Variants in CLYBL observed in about 807,000 individuals in gnomAD.
The protein encoded by CLYBL is citramalyl-CoA lyase, mitochondrial.
Under a neutral mutation model 38.9 loss-of-function variants are expected in CLYBL, and 31 were observed. The observed-to-expected ratio is 0.80, with a 90% CI of 0.60 to 1.08. The LOEUF is 1.08. CLYBL is among the 50% of genes least tolerant of loss of function. CLYBL has a pLI of 0.00. For missense variants in CLYBL, 434 were observed against 411.6 expected (o/e 1.05, Z -0.47); for synonymous variants, 171 against 158.6 (o/e 1.08, Z -0.59).
chr13:99,762,114 T>C (rs1416415918), intron 1 of CLYBL, among the ~76,000 whole-genome samples: 1 of 152,228 alleles, frequency 6.6e-6, no homozygotes, highest in African/African-American at 2.4e-5. Context: ...ATTCAGCAGA[T>C]TGTCTCATCA....
chr13:99,864,363 G>A (rs1289320280), intron 4 of CLYBL, among the ~76,000 whole-genome samples: 2 of 152,048 alleles, frequency 1.3e-5, no homozygotes, highest in Non-Finnish European at 2.9e-5. Context: ...TTTCCCCTCC[G>A]GAGTTGCAGG....
intron 1 of CLYBL, among the ~76,000 whole-genome samples, chr13:99,715,580 T>A (rs770741617): frequency 6.6e-6 from 1 of 151,926 alleles, no homozygotes; most frequent in Non-Finnish European, 1.5e-5. Context: ...TTTTTTGTAT[T>A]TTTTATAGAG....
intron 1 of CLYBL, among the ~76,000 whole-genome samples, chr13:99,730,830 C>G (rs2048576350): frequency 6.6e-6 from 1 of 152,078 alleles, no homozygotes; most frequent in Middle Eastern, 3.2e-3. Flanking sequence ...CGCCTGTAAT[C>G]CTAGCACTTT....
At chr13:99,616,143 CTTTTTTTTTTT>C (rs34142988) in intron 1 of CLYBL, among the ~76,000 whole-genome samples, 4 of 83,842 alleles carry the variant, frequency 4.8e-5, no homozygotes, top group East Asian at 3.7e-4. Flanking sequence ...CCACGCCTGG[CTTTTTTTTTTT>C]TTTTTTTTTT....
chr13:99,759,728 CG>C (rs1388856182), intron 1 of CLYBL, among the ~76,000 whole-genome samples: 2 of 152,124 alleles, frequency 1.3e-5, no homozygotes, highest in African/African-American at 4.8e-5. Context: ...TTTTACTCTT[CG>C]GGATGAGCTT....
At chr13:99,623,218 C>T (rs2046822703) in intron 1 of CLYBL, among the ~76,000 whole-genome samples, 1 of 152,220 alleles carries the variant, frequency 6.6e-6, no homozygotes, top group Non-Finnish European at 1.5e-5. Context: ...TACATTCCAC[C>T]AGCAATGTAC....
intron 1 of CLYBL, among the ~76,000 whole-genome samples, chr13:99,631,988 A>G (rs2046953025): frequency 6.6e-6 from 1 of 152,194 alleles, no homozygotes; most frequent in South Asian, 2.1e-4. Flanking sequence ...ACCTCAAAAG[A>G]CAAACTGCGG....
intron 2 of CLYBL, among the ~76,000 whole-genome samples, chr13:99,774,109 T>C (rs1354463695): frequency 6.6e-6 from 1 of 151,532 alleles, no homozygotes; most frequent in Non-Finnish European, 1.5e-5. Context: ...GGCGTGTACC[T>C]GTAGTCCCAG....
intron 2 of CLYBL, among the ~76,000 whole-genome samples, chr13:99,857,200 A>G (rs542465685): frequency 3.3e-5 from 5 of 152,004 alleles, no homozygotes; most frequent in African/African-American, 9.6e-5. Flanking sequence ...CTGTAGTCCT[A>G]GCTACTCAGG....
chr13:99,733,689 C>T (rs565684837), intron 1 of CLYBL, among the ~76,000 whole-genome samples: 36 of 152,328 alleles, frequency 2.4e-4, no homozygotes, highest in Non-Finnish European at 1.6e-4. Flanking sequence ...AATAGCCATG[C>T]GCACGTCTCT....
chr13:99,673,825 G>T (rs1463395373), intron 1 of CLYBL, among the ~76,000 whole-genome samples: 1 of 152,240 alleles, frequency 6.6e-6, no homozygotes, highest in Non-Finnish European at 1.5e-5. Context: ...CCCGTCAGGA[G>T]ATAGTTGCTG....
chr13:99,721,356 A>G (rs1358445885), intron 1 of CLYBL, among the ~76,000 whole-genome samples: 1 of 151,582 alleles, frequency 6.6e-6, no homozygotes, highest in Non-Finnish European at 1.5e-5. Flanking sequence ...TAATTCTTTT[A>G]TTGGCCATAT....
chr13:99,826,141 A>T (rs1297778313), intron 2 of CLYBL, among the ~76,000 whole-genome samples: 1 of 152,206 alleles, frequency 6.6e-6, no homozygotes, highest in Non-Finnish European at 1.5e-5. Flanking sequence ...GTACCCGGTT[A>T]TTTAATCAAA....
intron 1 of CLYBL, among the ~76,000 whole-genome samples, chr13:99,608,020 C>T (rs1432611179): frequency 5.5e-5 from 8 of 146,472 alleles, no homozygotes; most frequent in African/African-American, 2.0e-4. Flanking sequence ...GCTGGGATTA[C>T]AGGCGTGAGC....
At chr13:99,628,025 C>T (rs962227876) in intron 1 of CLYBL, among the ~76,000 whole-genome samples, 4 of 152,132 alleles carry the variant, frequency 2.6e-5, no homozygotes, top group Non-Finnish European at 2.9e-5. Flanking sequence ...CATATAAATG[C>T]AGAGGTACTA....
intron 2 of CLYBL, among the ~76,000 whole-genome samples, chr13:99,797,020 A>G (rs1032949060): frequency 6.6e-6 from 1 of 152,212 alleles, no homozygotes; most frequent in African/African-American, 2.4e-5. Context: ...TTATGAATAA[A>G]TGGGTTACAT....
chr13:99,886,200 GT>G (rs759353502), intron 7 of CLYBL, among the ~76,000 whole-genome samples: 4 of 152,218 alleles, frequency 2.6e-5, no homozygotes, highest in Non-Finnish European at 4.4e-5. Context: ...ATCCACAGAA[GT>G]TAATTTGGAA....
chr13:99,874,231 A>C (rs2051980273), intron 7 of CLYBL, among the ~76,000 whole-genome samples: 1 of 152,230 alleles, frequency 6.6e-6, no homozygotes, highest in African/African-American at 2.4e-5. Context: ...AATTTAGCTG[A>C]CATCAGCTGT....
At chr13:99,664,117 G>C (rs1307667763) in intron 1 of CLYBL, among the ~76,000 whole-genome samples, 1 of 152,178 alleles carries the variant, frequency 6.6e-6, no homozygotes, top group African/African-American at 2.4e-5. Context: ...ACTCTTGACC[G>C]CTGACATTTA....
Sources: gnomAD v4.1 joint callset for allele counts (sites outside exome capture counted in the v4.1 genomes callset) on GRCh38, gnomAD v4.1.1 for gene constraint, MANE v1.5 for transcripts, NCBI Gene and HGNC (gene_info 2026-07-23, HGNC 2026-07-21) for gene names.